Variants in FZR1 observed in about 807,000 individuals in gnomAD.
FZR1 encodes fizzy and cell division cycle 20 related 1, also known as fizzy-related protein homolog.
FZR1 carries 11 observed loss-of-function variants against 63.6 expected under a neutral mutation model. That is an observed-to-expected ratio of 0.17 (90% confidence interval 0.11 to 0.29). The LOEUF is 0.29. Ranked by LOEUF, FZR1 falls within the 10% of genes least tolerant of loss-of-function variation. FZR1 has a pLI of 1.00. For missense variants in FZR1, 440 were observed against 687.5 expected, an observed-to-expected ratio of 0.64 and a Z score of 4.03; for synonymous variants, 328 against 297.9, an observed-to-expected ratio of 1.10 and a Z score of -1.04.
intron 1 of FZR1, among the ~76,000 whole-genome samples, chr19:3,517,389 CAAAAAT>C (rs1032609024): frequency 1.4e-5 from 2 of 147,496 alleles, no homozygotes; most frequent in Non-Finnish European, 1.5e-5. Context: ...GACCCGGTCT[CAAAAAT>C]AAAAATCCTG....
chr19:3,523,908 C>T (rs73527905), intron 2 of FZR1, among the ~76,000 whole-genome samples: 1,819 of 152,332 alleles, frequency 0.012, 39 homozygotes, highest in African/African-American at 0.04. Flanking sequence ...GGTCCCGGGA[C>T]CTGCGGGAGC....
Position 3,537,264 on chromosome 19 carries a change from CG to C in FZR1, c.*2433del. 1 of 152,326 alleles carries C rather than the reference CG, an allele frequency of 6.6e-6. No individual in the cohort carries two copies. Among genetic ancestry groups the C allele is most frequent in the Non-Finnish European group, 1.5e-5 (1 of 68,056 alleles). 9.4% of individuals were successfully genotyped at this position (152,326 alleles called of 1,614,324 possible). A position where few individuals can be genotyped will look rare whatever the true frequency, so the allele number is the denominator to read the frequency against. ...AGTGTACGTCAGGCTTTGCGGGGCA[CG>C]GGGGCCACTCAGCAGCGCTGGGGCA... is the stretch of plus-strand genomic sequence containing the variant. On this transcript the variant is annotated 3_prime_UTR_variant, in exon 14 of 14. Transcript: ENST00000441788.
intron 1 of FZR1, among the ~76,000 whole-genome samples, chr19:3,512,331 C>T (rs2122112181): frequency 6.6e-6 from 1 of 152,310 alleles, no homozygotes; most frequent in African/African-American, 2.4e-5. Flanking sequence ...CTGGGTCATG[C>T]CGGGTGCCTG....
chr19:3,518,748 T>G (rs529036456), intron 1 of FZR1, among the ~76,000 whole-genome samples: 43 of 152,190 alleles, frequency 2.8e-4, no homozygotes, highest in Non-Finnish European at 5.4e-4. Flanking sequence ...TCTCTGGTCC[T>G]AGCTACTCAG....
chr19:3,529,114 G>T (rs1418363533), intron 7 of FZR1, among the ~76,000 whole-genome samples: 3 of 133,066 alleles, frequency 2.3e-5, no homozygotes, highest in Non-Finnish European at 4.9e-5. Flanking sequence ...GGATGGGAGA[G>T]CGGATGGGAG....
Position 3,516,548 on chromosome 19 carries a change from G to A in FZR1, c.-34-6408G>A, listed in dbSNP as rs2083059937. On this transcript the variant is annotated intron_variant, in intron 1 of 13. Coordinates refer to ENST00000441788, the MANE Select transcript of FZR1 (RefSeq NM_016263.4). This position sits in a 1 kb window ranked among gnomAD's most constrained non-coding sequence, Gnocchi z 6.0. ...AGGGGTCGCTGGGGGTCCCGGAGCT[G>A]AGCTGAGCACCGCTAGCAGCACCGG... 6.6e-6 allele frequency among the ~76,000 whole-genome samples: 1 copy of A among 152,182 alleles called. No homozygotes were observed. The highest frequency in any genetic ancestry group is 2.4e-5 in the African/African-American group (1 of 41,452).
intron 1 of FZR1, among the ~76,000 whole-genome samples, chr19:3,513,364 G>A (rs536964242): frequency 1.1e-4 from 17 of 152,306 alleles, no homozygotes; most frequent in African/African-American, 3.8e-4. Context: ...CAGCTTCCCC[G>A]TGGGCAGGGC....
At position 3,522,999 on chromosome 19, in the gene FZR1, G is replaced by T; in HGVS notation, c.10G>T (p.Asp4Tyr). 1 of 1,611,516 alleles carries T rather than the reference G, an allele frequency of 6.2e-7. No homozygotes were observed. Reference sequence around the variant, plus strand: ...CGAGCCCTGCCTCGCCATGGACCAGGACTATGAGCGGCGCCTGCTTCGCCA... The same window carrying T: ...CGAGCCCTGCCTCGCCATGGACCAGTACTATGAGCGGCGCCTGCTTCGCCA... Reference protein sequence around the residue: MDQDYERRLLRQIV... With the variant: MDQYYERRLLRQIV... Residue 4 changes from aspartate (D) to tyrosine (Y), a missense_variant, in exon 2 of 14, where the codon GAC becomes TAC. This residue lies in a region of FZR1 where 200 missense variants were observed against 245.1 expected (regional missense o/e 0.82). Coordinates refer to ENST00000441788, the MANE Select transcript of FZR1 (RefSeq NM_016263.4).
Position 3,525,017 on chromosome 19 carries a change from GA to G in FZR1, c.70-845del, listed in dbSNP as rs2083138700. 2.0e-5 allele frequency among the ~76,000 whole-genome samples: 3 copies of G among 152,078 alleles called. No homozygotes were observed. Among genetic ancestry groups the G allele is most frequent in the Admixed American group, 1.3e-4 (2 of 15,260 alleles). The stretch of plus-strand genomic sequence containing the variant: ...GTCAGCTGATAACAGACCCCTCATA[GA>G]AAAAAGACGGCGCGGGGACAGTCAG... On this transcript the variant is annotated intron_variant, in intron 2 of 13. Transcript: ENST00000441788. This position sits in a 1 kb window ranked among gnomAD's most constrained non-coding sequence, Gnocchi z 4.2.
Position 3,528,249 on chromosome 19 carries a change from G to C in FZR1, c.654+435G>C, listed in dbSNP as rs529546372. Among the ~76,000 whole-genome samples, 245 of 152,372 alleles carry C rather than the reference G, an allele frequency of 1.6e-3. 2 individuals are homozygous for C. The highest frequency in any genetic ancestry group is 1.8e-4 in the Non-Finnish European group (12 of 68,036). On this transcript the variant is annotated intron_variant, in intron 7 of 13. Transcript: ENST00000441788. ...GCCTCTGGGCGCATGGAGCCTGCTA[G>C]TCCCTACAGGGAGACTGGGTTGCTG...
chr19:3,535,718 T>TG lies in FZR1; in HGVS notation c.*883dup, dbSNP rs1480553594. On this transcript the variant is annotated 3_prime_UTR_variant, in exon 14 of 14. Transcript: ENST00000441788. ...GCGTCCTCCTTCCCTGCGCAAGACTTGCGTCCCCCATGCCTGCTGGGTGGC... is the reference window on the plus strand; with the variant it reads ...GCGTCCTCCTTCCCTGCGCAAGACTTGGCGTCCCCCATGCCTGCTGGGTGGC... 1 of 152,372 alleles carries TG rather than the reference T, an allele frequency of 6.6e-6. No homozygotes were observed. The highest frequency in any genetic ancestry group is 1.5e-5 in the Non-Finnish European group (1 of 68,128). The allele number at this position is 152,372 out of a possible 1,614,324, so 9.4% of individuals were successfully genotyped here. A position where few individuals can be genotyped will look rare whatever the true frequency, so the allele number is the denominator to read the frequency against.
chr19:3,531,034 G>A (rs76198999), intron 8 of FZR1, among the ~76,000 whole-genome samples, 177 bp downstream of exon 8: 1,978 of 152,154 alleles, frequency 0.013, 23 homozygotes, highest in Non-Finnish European at 0.02. Context: ...GGAGTAACAG[G>A]GATGAGCAGG....
Position 3,522,985 on chromosome 19 carries a change from T to G in FZR1, c.-5T>G. Reference sequence around the variant, plus strand: ...ACCTTGCCGCGGGCCGAGCCCTGCCTCGCCATGGACCAGGACTATGAGCGG... The same window carrying G: ...ACCTTGCCGCGGGCCGAGCCCTGCCGCGCCATGGACCAGGACTATGAGCGG... On this transcript the variant is annotated 5_prime_UTR_variant, in exon 2 of 14. Coordinates refer to ENST00000441788, the MANE Select transcript of FZR1 (RefSeq NM_016263.4). 6.2e-7 allele frequency: 1 copy of G among 1,608,928 alleles called. No individual in the cohort carries two copies. The highest frequency in any genetic ancestry group is 1.7e-5 in the Admixed American group (1 of 60,022).
intron 1 of FZR1, among the ~76,000 whole-genome samples, chr19:3,519,558 C>T (rs1411489007): frequency 6.6e-6 from 1 of 152,178 alleles, no homozygotes; most frequent in Non-Finnish European, 1.5e-5. Context: ...GCTCAGTGTT[C>T]GGGTCCTGCC....
rs1296875160 is a variant in FZR1 at position 3,530,463 on chromosome 19, G to GGAGAGCGC, written c.655-329_655-328insGAGAGCGC. Among the ~76,000 whole-genome samples, 36 of 127,250 alleles carry GGAGAGCGC rather than the reference G, an allele frequency of 2.8e-4. 5 individuals carry two copies. The highest frequency in any genetic ancestry group is 1.1e-3 in the African/African-American group (34 of 30,454). The allele number at this position is 127,250 out of a possible 152,430, so 83.5% of individuals were successfully genotyped here. On this transcript the variant is annotated intron_variant, in intron 7 of 13. Coordinates refer to ENST00000441788, the MANE Select transcript of FZR1 (RefSeq NM_016263.4). ...GGGAGAGCGCATGGGAGAGCGCATGGATGAGCGCATGGGAGAGCGCATGGG... is the reference window on the plus strand; with the variant it reads ...GGGAGAGCGCATGGGAGAGCGCATGGGAGAGCGCATGAGCGCATGGGAGAGCGCATGGG...
Position 3,525,249 on chromosome 19 carries a change from G to A in FZR1, c.70-619G>A, listed in dbSNP as rs1045304557. Among the ~76,000 whole-genome samples, 4 of 151,838 alleles carry A rather than the reference G, an allele frequency of 2.6e-5. No individual in the cohort carries two copies. Among genetic ancestry groups the A allele is most frequent in the South Asian group, 2.1e-4 (1 of 4,820 alleles). The stretch of plus-strand genomic sequence containing the variant: ...TGTGCTCCCTGGCTCTGTCCCCTCC[G>A]CCATGGCCCCCATTCCTGCCACTCC... On this transcript the variant is annotated intron_variant, in intron 2 of 13. Transcript: ENST00000441788. The surrounding 1 kb of genome is among the most constrained non-coding windows in gnomAD (Gnocchi z 4.2).
At position 3,536,337 on chromosome 19, in the gene FZR1, T is replaced by TG. The variant is rs2029964605; in HGVS notation, c.*1503dup. On this transcript the variant is annotated 3_prime_UTR_variant, in exon 14 of 14. Coordinates refer to ENST00000441788, the MANE Select transcript of FZR1 (RefSeq NM_016263.4). ...AAGCGGGTCGATCTTCCACATTCACTGGAGAGACTCTCCCCACCTCTGTCT... is the reference window on the plus strand; with the variant it reads ...AAGCGGGTCGATCTTCCACATTCACTGGGAGAGACTCTCCCCACCTCTGTCT... 2 of 152,162 alleles carry TG rather than the reference T, an allele frequency of 1.3e-5. No individual in the cohort carries two copies. The highest frequency in any genetic ancestry group is 4.8e-5 in the African/African-American group (2 of 41,430). The allele number at this position is 152,162 out of a possible 1,614,324, so 9.4% of individuals were successfully genotyped here.
Position 3,516,911 on chromosome 19 carries a change from C to T in FZR1, c.-34-6045C>T, listed in dbSNP as rs539586816. ...CTGGGCAGCGATGTGTGCCAGGGGCCGTGTGCAGCTGCAGCTGGCGCCCGG... is the reference window on the plus strand; with the variant it reads ...CTGGGCAGCGATGTGTGCCAGGGGCTGTGTGCAGCTGCAGCTGGCGCCCGG... On this transcript the variant is annotated intron_variant, in intron 1 of 13. Transcript: ENST00000441788. This position sits in a 1 kb window ranked among gnomAD's most constrained non-coding sequence, Gnocchi z 6.0. 5.4e-4 allele frequency among the ~76,000 whole-genome samples: 83 copies of T among 152,350 alleles called. No homozygotes were observed. The highest frequency in any genetic ancestry group is 1.8e-3 in the African/African-American group (75 of 41,578).
rs548346232 is a variant in FZR1 at position 3,518,130 on chromosome 19, T to C, written c.-34-4826T>C. ...TCCAGGTTCAAGTGATTCACCTGCC[T>C]CAGCCTCCCTAGTAGCTAGGATTAC... On this transcript the variant is annotated intron_variant, in intron 1 of 13. Transcript: ENST00000441788. Among the ~76,000 whole-genome samples the C allele has an allele frequency of 1.0e-4, 15 of 150,486 alleles. No individual in the cohort carries two copies. The South Asian group carries it at 2.8e-3, about 28-fold the overall frequency.
Sources: allele counts gnomAD v4.1 joint callset (sites outside exome capture counted in the v4.1 genomes callset), GRCh38; gene constraint gnomAD v4.1.1; regional missense constraint gnomAD v4.1.1; non-coding constraint Gnocchi (gnomAD v3.1); transcripts MANE v1.5; gene names NCBI Gene and HGNC (gene_info 2026-07-23, HGNC 2026-07-21).